ZNF469: variants seen among roughly 807,000 people sequenced by gnomAD.
The protein encoded by ZNF469 is zinc finger protein 469.
ZNF469 carries 1 observed loss-of-function variant against 1.0 expected under a neutral mutation model. The ratio of observed to expected loss-of-function variants is 1.00; its 90% CI spans 0.35 to 4.73. The LOEUF (loss-of-function observed/expected upper bound fraction) is 4.73, where lower values mean the gene tolerates loss of function less well. ZNF469 is among the 30% of genes most tolerant of loss of function. The pLI is 0.16. For missense variants in ZNF469, 6,100 were observed against 5,356.3 expected (o/e 1.14, Z -4.33); for synonymous variants, 2,703 against 2,363.4 (o/e 1.14, Z -4.17).
chr16:88,239,681 A>G, the ZNF469 span, among the ~76,000 whole-genome samples: 6 of 4,070 alleles, frequency 1.5e-3, no homozygotes, highest in Admixed American at 3.5e-3. Flanking sequence ...ATATATATAT[A>G]TATATATATA....
intron 1 of ZNF469, among the ~76,000 whole-genome samples, chr16:88,406,475 C>T (rs1417648577): frequency 6.6e-6 from 1 of 152,240 alleles, no homozygotes; most frequent in African/African-American, 2.4e-5. Flanking sequence ...GGCCAGGGTC[C>T]AGGTAGCCTG....
chr16:88,152,735 A>G, the ZNF469 span, among the ~76,000 whole-genome samples: 2 of 152,070 alleles, frequency 1.3e-5, no homozygotes, highest in Non-Finnish European at 2.9e-5. This position sits in a 1 kb window ranked among gnomAD's most constrained non-coding sequence, Gnocchi z 4.2. Flanking sequence ...CTTCATTTCC[A>G]GAGAAACTGT....
chr16:88,201,694 G>C, the ZNF469 span, among the ~76,000 whole-genome samples: 1 of 152,190 alleles, frequency 6.6e-6, no homozygotes, highest in African/African-American at 2.4e-5. This position sits in a 1 kb window ranked among gnomAD's most constrained non-coding sequence, Gnocchi z 5.0. Flanking sequence ...ACCTGCCCAG[G>C]GGTCTCCGGG....
Position 88,429,874 on chromosome 16 carries a change from G to A in ZNF469, c.2404G>A (p.Asp802Asn). 6.5e-7 allele frequency: 1 copy of A among 1,550,152 alleles called. No individual in the cohort carries two copies. The highest frequency in any genetic ancestry group is 1.2e-5 in the South Asian group (1 of 84,060). The change falls in exon 3 of 3, where the codon GAC becomes AAC. Residue 802 changes from aspartate (D) to asparagine (N), a missense_variant. Asp to Asn is a conservative substitution (Grantham distance 23). Transcript: ENST00000565624. Reference protein sequence around the residue: ...SHAKTFLLAGDAQAEGKDDPL... With the variant: ...SHAKTFLLAGNAQAEGKDDPL... ...CGCGAAGACCTTCCTGTTAGCTGGG[G>A]ACGCCCAGGCCGAGGGCAAAGACGA... is the stretch of plus-strand genomic sequence containing the variant.
At chr16:88,136,459 C>T in the ZNF469 span, among the ~76,000 whole-genome samples, 1 of 152,252 alleles carries the variant, frequency 6.6e-6, no homozygotes, top group East Asian at 1.9e-4. Context: ...CAGATGGCGG[C>T]AGCAGGGTCT....
rs889278501 is a variant in ZNF469, at chr16:88,429,386, C to G, written c.1916C>G (p.Thr639Ser). Residue 639 changes from threonine to serine, a missense_variant, in exon 3 of 3, where the codon ACT (threonine) becomes AGT (serine). By Grantham distance (58) the Thr-to-Ser change is moderately conservative. Transcript: ENST00000565624. ...CCCTCGGCCTTCTTCCACCCACCCA[C>G]TCACCCCCAGGAGACGGGCAGCCCC... is the stretch of plus-strand genomic sequence containing the variant. ...LGPSAFFHPP[T>S]HPQETGSPFP... 1 of 1,549,326 alleles carries G rather than the reference C, an allele frequency of 6.5e-7. No individual in the cohort carries two copies. Among genetic ancestry groups the G allele is most frequent in the Non-Finnish European group, 8.7e-7 (1 of 1,146,356 alleles).
chr16:88,214,081 C>T, the ZNF469 span, among the ~76,000 whole-genome samples: 1 of 152,136 alleles, frequency 6.6e-6, no homozygotes, highest in East Asian at 1.9e-4. Context: ...AAGTCACAAC[C>T]CCTGTCCTCT....
chr16:88,114,762 G>A, the ZNF469 span, among the ~76,000 whole-genome samples: 5 of 152,236 alleles, frequency 3.3e-5, no homozygotes, highest in Admixed American at 6.5e-5. Flanking sequence ...CAGAGGGGCA[G>A]GGAGCTCAGA....
At chr16:88,315,088 A>C in the ZNF469 span, among the ~76,000 whole-genome samples, 1 of 152,180 alleles carries the variant, frequency 6.6e-6, no homozygotes. Context: ...TCTGACCTGG[A>C]GTTTTGAATG....
chr16:88,417,447 C>G (rs965888573), intron 1 of ZNF469, among the ~76,000 whole-genome samples: 4 of 152,352 alleles, frequency 2.6e-5, no homozygotes, highest in African/African-American at 9.6e-5. Context: ...ACCTCCACAC[C>G]CTGGACGAGC....
At chr16:88,251,476 T>C in the ZNF469 span, among the ~76,000 whole-genome samples, 2 of 151,026 alleles carry the variant, frequency 1.3e-5, no homozygotes, top group East Asian at 3.9e-4. Flanking sequence ...ACAGCTGTCA[T>C]GTGCTGGATT....
chr16:88,124,329 G>T, the ZNF469 span, among the ~76,000 whole-genome samples: 4 of 152,104 alleles, frequency 2.6e-5, no homozygotes, highest in Admixed American at 2.6e-4. Flanking sequence ...CACCTTCTGG[G>T]CTCCTCCCAC....
the ZNF469 span, among the ~76,000 whole-genome samples, chr16:88,201,749 C>T: frequency 6.6e-6 from 1 of 152,194 alleles, no homozygotes; most frequent in East Asian, 1.9e-4. This position sits in a 1 kb window ranked among gnomAD's most constrained non-coding sequence, Gnocchi z 5.0. Context: ...ATGCCAGTGC[C>T]TGGCATTGCT....
the ZNF469 span, among the ~76,000 whole-genome samples, chr16:88,114,200 T>C: frequency 2.1e-5 from 3 of 144,642 alleles, 1 homozygote; most frequent in Admixed American, 1.4e-4. Context: ...GGGACCATAC[T>C]CACTCACTGC....
chr16:88,277,028 G>A, the ZNF469 span, among the ~76,000 whole-genome samples: 1 of 152,050 alleles, frequency 6.6e-6, no homozygotes, highest in African/African-American at 2.4e-5. Context: ...CTGACGCTTG[G>A]TCAGTACCAT....
the ZNF469 span, among the ~76,000 whole-genome samples, chr16:88,210,762 C>G: frequency 1.3e-5 from 2 of 152,202 alleles, no homozygotes; most frequent in African/African-American, 4.8e-5. Context: ...TCCGGGTGTT[C>G]TTTTCCACCG....
chr16:88,229,300 C>A, the ZNF469 span, among the ~76,000 whole-genome samples: 3 of 152,248 alleles, frequency 2.0e-5, no homozygotes, highest in African/African-American at 4.8e-5. Context: ...CCGCGAGCAG[C>A]CCGTCAGGCG....
the ZNF469 span, among the ~76,000 whole-genome samples, chr16:88,336,594 A>G: frequency 5.9e-5 from 9 of 152,132 alleles, no homozygotes; most frequent in African/African-American, 2.2e-4. Context: ...TGACATGCCA[A>G]CACCACACAT....
Position 88,428,270 on chromosome 16 carries a change from G to A in ZNF469, c.800G>A (p.Ser267Asn). ...PIPKGSRPGG[S>N]PRGVSFQFPF... ...CCCAAAGGCAGCAGGCCCGGCGGCA[G>A]CCCCAGGGGAGTTTCCTTCCAGTTC... is the stretch of plus-strand genomic sequence containing the variant. Residue 267 changes from serine (S) to asparagine (N), a missense_variant, in exon 3 of 3, where the codon AGC becomes AAC. Coordinates refer to ENST00000565624, the MANE Select transcript of ZNF469 (RefSeq NM_001367624.2). 6.4e-7 allele frequency: 1 copy of A among 1,550,422 alleles called. No homozygotes were observed. The highest frequency in any genetic ancestry group is 1.2e-5 in the South Asian group (1 of 84,068).
Sources: gnomAD v4.1 joint callset for allele counts (sites outside exome capture counted in the v4.1 genomes callset) on GRCh38, gnomAD v4.1.1 for gene constraint, Gnocchi (gnomAD v3.1) non-coding constraint, MANE v1.5 for transcripts, NCBI Gene and HGNC (gene_info 2026-07-23, HGNC 2026-07-21) for gene names.